Variants in SIMC1 observed in about 807,000 individuals in gnomAD.
The protein encoded by SIMC1 is SUMO interacting motifs containing 1.
In SIMC1, 55 loss-of-function variants were observed where a neutral mutation model predicts 82.3. That is an observed-to-expected ratio of 0.67 (90% CI 0.54 to 0.84). SIMC1 has a LOEUF of 0.84. Ranked by LOEUF, SIMC1 falls within the 40% of genes least tolerant of loss-of-function variation. SIMC1 has a pLI of 0.00. For synonymous variants in SIMC1, 353 were observed against 426.3 expected, an observed-to-expected ratio of 0.83 and a Z score of 2.12; for missense variants, 915 against 1,107.2, an observed-to-expected ratio of 0.83 and a Z score of 2.46.
chr5:176,336,937 C>T, intron 8 of SIMC1, 61 bp downstream of exon 8: 1 of 1,604,080 alleles, frequency 6.2e-7, no homozygotes, highest in African/African-American at 1.3e-5. Context: ...AGGCCCGAAC[C>T]CTTCCCATAG....
chr5:176,272,154 AG>A (rs1450356329), intron 1 of SIMC1, among the ~76,000 whole-genome samples: 2 of 121,134 alleles, frequency 1.7e-5, no homozygotes, highest in Non-Finnish European at 1.6e-5. Flanking sequence ...ACCAGTCTGT[AG>A]TGACATCCCA....
At chr5:176,303,008 T>C (rs1764107648) in intron 4 of SIMC1, among the ~76,000 whole-genome samples, 3 of 152,262 alleles carry the variant, frequency 2.0e-5, no homozygotes, top group East Asian at 1.9e-4. Context: ...ACAATTCCCA[T>C]CAAAATCCCA....
chr5:176,273,579 G>C (rs988435670), intron 1 of SIMC1, among the ~76,000 whole-genome samples: 1 of 152,244 alleles, frequency 6.6e-6, no homozygotes, highest in Middle Eastern at 3.4e-3. Context: ...ATGTATACAT[G>C]TGACATGCTG....
intron 5 of SIMC1, among the ~76,000 whole-genome samples, chr5:176,314,743 A>G (rs1764826042): frequency 2.0e-5 from 3 of 152,138 alleles, no homozygotes; most frequent in African/African-American, 7.2e-5. Flanking sequence ...GGAACTACAG[A>G]TGGCCCTGAC....
At chr5:176,323,203 T>A (rs1011021116) in intron 6 of SIMC1, among the ~76,000 whole-genome samples, 3 of 152,156 alleles carry the variant, frequency 2.0e-5, no homozygotes, top group Admixed American at 6.5e-5. Context: ...CAATTTTATA[T>A]CTAAAGGGGA....
intron 8 of SIMC1, 85 bp from the exon 9 acceptor site, chr5:176,336,977 C>T (rs1415458486): frequency 6.3e-7 from 1 of 1,598,394 alleles, no homozygotes; most frequent in African/African-American, 1.3e-5. Flanking sequence ...ACTGTTTGAG[C>T]ATTCTGTAAA....
intron 4 of SIMC1, among the ~76,000 whole-genome samples, chr5:176,307,000 T>C (rs1764452216): frequency 2.0e-5 from 3 of 152,132 alleles, no homozygotes; most frequent in Non-Finnish European, 4.4e-5. Flanking sequence ...AGAGGACTTA[T>C]ATAGACATTT....
At chr5:176,326,223 C>A (rs904317417) in intron 7 of SIMC1, among the ~76,000 whole-genome samples, 3 of 152,150 alleles carry the variant, frequency 2.0e-5, no homozygotes, top group African/African-American at 7.2e-5. Context: ...ACAACCAAGA[C>A]AACTATTGTG....
intron 4 of SIMC1, among the ~76,000 whole-genome samples, chr5:176,299,582 A>G (rs1763956142): frequency 6.6e-6 from 1 of 152,224 alleles, no homozygotes; most frequent in African/African-American, 2.4e-5. Flanking sequence ...CCAAGGAGGT[A>G]TAACAATTAC....
chr5:176,283,396 A>C (rs1461109321), intron 1 of SIMC1, among the ~76,000 whole-genome samples: 1 of 152,252 alleles, frequency 6.6e-6, no homozygotes, highest in African/African-American at 2.4e-5. Flanking sequence ...AAGAATTTTC[A>C]ACACAGAATT....
At chr5:176,279,265 T>G (rs1214147636) in intron 1 of SIMC1, among the ~76,000 whole-genome samples, 3 of 152,234 alleles carry the variant, frequency 2.0e-5, no homozygotes, top group African/African-American at 7.2e-5. Context: ...TCTCTGATGG[T>G]TCTTTGTGTA....
At chr5:176,316,548 G>T (rs1764917349) in intron 5 of SIMC1, among the ~76,000 whole-genome samples, 2 of 151,208 alleles carry the variant, frequency 1.3e-5, no homozygotes, top group Admixed American at 1.3e-4. Context: ...AATTTGCCAG[G>T]CATAGTGCCA....
Position 176,345,387 on chromosome 5 carries a change from A to G in SIMC1, c.2618A>G (p.Tyr873Cys), listed in dbSNP as rs774400987. 8 of 1,613,956 alleles carry G rather than the reference A, an allele frequency of 5.0e-6. No homozygotes were observed. The East Asian group carries it at 1.1e-4, about 22-fold the overall frequency. Residue 873 changes from tyrosine to cysteine, a missense_variant, in exon 10 of 10, where the codon TAT (tyrosine) becomes TGT (cysteine). By Grantham distance (194) the Tyr-to-Cys change is radical. Coordinates refer to ENST00000429602, the MANE Select transcript of SIMC1 (RefSeq NM_001308195.2). Reference protein sequence around the residue: ...KVHLLKLLLFYAADLNPDAEP... With the variant: ...KVHLLKLLLFCAADLNPDAEP... ...CACTTGTTGAAGCTCCTGCTCTTCT[A>G]TGCTGCGGACTTGAACCCTGATGCA...
intron 1 of SIMC1, among the ~76,000 whole-genome samples, chr5:176,272,200 G>A (rs1249124657): frequency 9.5e-4 from 45 of 47,212 alleles, no homozygotes; most frequent in African/African-American, 2.0e-3. Flanking sequence ...AAAAAAAAAG[G>A]TGGGCATGGT....
intron 4 of SIMC1, among the ~76,000 whole-genome samples, chr5:176,306,011 C>T (rs1395714616): frequency 4.5e-5 from 3 of 66,012 alleles, no homozygotes; most frequent in African/African-American, 5.8e-5. Context: ...CCCGGCCAGC[C>T]GCCCCGTCCG....
At chr5:176,323,334 T>G (rs1469240661) in intron 6 of SIMC1, among the ~76,000 whole-genome samples, 1 of 152,194 alleles carries the variant, frequency 6.6e-6, no homozygotes, top group African/African-American at 2.4e-5. Context: ...TGGAAGCTAG[T>G]ATCATATAAC....
At chr5:176,344,567 G>A (rs894249225) in intron 9 of SIMC1, among the ~76,000 whole-genome samples, 9 of 152,128 alleles carry the variant, frequency 5.9e-5, no homozygotes, top group Admixed American at 3.9e-4. Flanking sequence ...AGGCTGTACA[G>A]GAGGCATAGT....
chr5:176,240,768 A>G (rs1761254095), intron 1 of SIMC1, among the ~76,000 whole-genome samples: 1 of 92,642 alleles, frequency 1.1e-5, no homozygotes, highest in Non-Finnish European at 2.4e-5. Context: ...TATCTCCAGC[A>G]TAGCAACTAT....
intron 7 of SIMC1, among the ~76,000 whole-genome samples, chr5:176,325,657 G>T (rs1249666316): frequency 6.6e-6 from 1 of 152,154 alleles, no homozygotes; most frequent in Non-Finnish European, 1.5e-5. Flanking sequence ...CTGCACTCTA[G>T]CCTGGGTGAC....
Sources: allele counts gnomAD v4.1 joint callset (sites outside exome capture counted in the v4.1 genomes callset), GRCh38; gene constraint gnomAD v4.1.1; transcripts MANE v1.5; gene names NCBI Gene and HGNC (gene_info 2026-07-23, HGNC 2026-07-21).